PACRGL: variants seen among roughly 807,000 people sequenced by gnomAD.
The protein encoded by PACRGL is parkin coregulated like, also known as PACRG-like protein.
Under a neutral mutation model 34.5 loss-of-function variants are expected in PACRGL, and 38 were observed. The observed-to-expected ratio is 1.10, with a 90% CI of 0.85 to 1.44. The LOEUF (loss-of-function observed/expected upper bound fraction) is 1.44. Among genes scored for constraint, PACRGL ranks in the 40% most tolerant of loss-of-function variants. PACRGL has a pLI of 0.00. For synonymous variants in PACRGL, 128 were observed against 100.1 expected, an observed-to-expected ratio of 1.28 and a Z score of -1.66; for missense variants, 305 against 281.4, an observed-to-expected ratio of 1.08 and a Z score of -0.60.
At chr4:20,722,094 G>A (rs535475171) in intron 7 of PACRGL, among the ~76,000 whole-genome samples, 3 of 152,352 alleles carry the variant, frequency 2.0e-5, no homozygotes, top group Non-Finnish European at 2.9e-5. Flanking sequence ...AGCAATGAGC[G>A]AGGCTCCATG....
At chr4:20,735,173 T>C (rs971890470), downstream of PACRGL, among the ~76,000 whole-genome samples, 4 of 152,230 alleles carry the variant, frequency 2.6e-5, no homozygotes, top group Non-Finnish European at 5.9e-5. Context: ...TTGTGGTCTT[T>C]AATTAGAAAT....
the PACRGL span, among the ~76,000 whole-genome samples, chr4:20,762,822 G>T: frequency 6.6e-6 from 1 of 152,240 alleles, no homozygotes; most frequent in East Asian, 1.9e-4. Context: ...ATAAAGAACT[G>T]CCCAAGTCTG....
chr4:20,742,508 T>A (rs1327302440), intron 8 of PACRGL, among the ~76,000 whole-genome samples: 1 of 152,048 alleles, frequency 6.6e-6, no homozygotes, highest in Non-Finnish European at 1.5e-5. Context: ...CCTTTGACAA[T>A]ATTCAGCAGC....
At chr4:20,741,373 C>G (rs1156465248) in intron 8 of PACRGL, among the ~76,000 whole-genome samples, 2 of 152,224 alleles carry the variant, frequency 1.3e-5, no homozygotes, top group African/African-American at 4.8e-5. Flanking sequence ...CAAACTGTCT[C>G]TCAGACTACA....
At chr4:20,705,724 A>G (rs1222018878) in intron 3 of PACRGL, among the ~76,000 whole-genome samples, 1 of 151,810 alleles carries the variant, frequency 6.6e-6, no homozygotes, top group Admixed American at 6.6e-5. Flanking sequence ...ATATTTAGTG[A>G]CCTTAGTCCT....
rs1475076685 is a variant in PACRGL at position 20,700,686 on chromosome 4, T to C, written c.-118T>C. Reference sequence around the variant, plus strand: ...CTGTTGCTAGGGCCGCTGGACCCCGTTGCTAAGGACCCTTGAGATCGTGAG... The same window carrying C: ...CTGTTGCTAGGGCCGCTGGACCCCGCTGCTAAGGACCCTTGAGATCGTGAG... On this transcript the variant is annotated 5_prime_UTR_variant, in exon 1 of 9. Coordinates refer to ENST00000503585, the MANE Select transcript of PACRGL (RefSeq NM_001258345.3). 6.6e-6 allele frequency: 1 copy of C among 152,180 alleles called. No individual in the cohort carries two copies. Among genetic ancestry groups the C allele is most frequent in the Non-Finnish European group, 1.5e-5 (1 of 68,080 alleles). 9.4% of individuals were successfully genotyped at this position (152,180 alleles called of 1,614,324 possible).
the PACRGL span, among the ~76,000 whole-genome samples, chr4:20,757,982 AT>A: frequency 6.6e-6 from 1 of 152,300 alleles, no homozygotes; most frequent in South Asian, 2.1e-4. Flanking sequence ...AATCACAGTT[AT>A]ACTTGAGTTT....
chr4:20,749,175 C>T (rs182190571), intron 8 of PACRGL, among the ~76,000 whole-genome samples: 1 of 134,614 alleles, frequency 7.4e-6, no homozygotes, highest in South Asian at 2.3e-4. Context: ...AAAAAAAATA[C>T]GTTCTCTACA....
At chr4:20,713,362 C>T in intron 6 of PACRGL, 70 bp from the exon 7 acceptor site, 1 of 1,205,034 alleles carries the variant, frequency 8.3e-7, no homozygotes, top group Non-Finnish European at 1.2e-6. Context: ...TTTTTTCTAA[C>T]CTATCTTTTC....
downstream of PACRGL, among the ~76,000 whole-genome samples, chr4:20,733,726 C>A (rs1362916933): frequency 2.6e-5 from 4 of 152,122 alleles, no homozygotes; most frequent in Non-Finnish European, 5.9e-5. Context: ...ACAAGAAGCA[C>A]TATTTAGGAT....
At chr4:20,754,492 A>T (rs559497954), downstream of PACRGL, among the ~76,000 whole-genome samples, 10 of 152,322 alleles carry the variant, frequency 6.6e-5, no homozygotes, top group South Asian at 2.1e-3. Flanking sequence ...ATCAGAGATC[A>T]CATTCTTCCT....
At chr4:20,704,608 G>A in intron 2 of PACRGL, 52 bp from the exon 3 acceptor site, 1 of 1,613,282 alleles carries the variant, frequency 6.2e-7, no homozygotes, top group Non-Finnish European at 8.5e-7. Flanking sequence ...TGGATGCAGG[G>A]TGAACTTTAT....
chr4:20,765,888 G>A, the PACRGL span, among the ~76,000 whole-genome samples: 9 of 152,204 alleles, frequency 5.9e-5, no homozygotes, highest in African/African-American at 2.2e-4. Flanking sequence ...CTCAGGCCAT[G>A]TGGGGACACA....
intron 7 of PACRGL, among the ~76,000 whole-genome samples, chr4:20,719,202 C>G (rs962817128): frequency 2.6e-5 from 4 of 152,044 alleles, no homozygotes; most frequent in African/African-American, 9.7e-5. Context: ...TTTATTGCGT[C>G]TATTTGATTC....
chr4:20,716,231 A>G, intron 7 of PACRGL: 3 of 848,310 alleles, frequency 3.5e-6, no homozygotes, highest in Non-Finnish European at 5.7e-6. Context: ...CAAAAAATAA[A>G]GATTAAAATC....
intron 8 of PACRGL, among the ~76,000 whole-genome samples, chr4:20,738,689 G>A (rs1299431832): frequency 1.3e-5 from 2 of 152,186 alleles, no homozygotes; most frequent in Non-Finnish European, 2.9e-5. Flanking sequence ...GCAGAAGATG[G>A]GTGATTTCTG....
chr4:20,703,635 G>A (rs1486512758), intron 1 of PACRGL, among the ~76,000 whole-genome samples: 1 of 152,046 alleles, frequency 6.6e-6, no homozygotes, highest in Non-Finnish European at 1.5e-5. Context: ...AGGGAAAAGT[G>A]AACCAGTATT....
intron 7 of PACRGL, among the ~76,000 whole-genome samples, chr4:20,720,887 G>A (rs538984644): frequency 6.6e-6 from 1 of 152,094 alleles, no homozygotes; most frequent in Non-Finnish European, 1.5e-5. Context: ...GCTAAGTTGG[G>A]AAAGTTCTCC....
chr4:20,709,699 G>C lies in PACRGL; in HGVS notation c.292G>C (p.Val98Leu). 6.2e-7 allele frequency: 1 copy of C among 1,605,842 alleles called. No individual in the cohort carries two copies. Among genetic ancestry groups the C allele is most frequent in the Non-Finnish European group, 8.5e-7 (1 of 1,174,020 alleles). ...ATATTTTAGATTGGTACATGGTTCA[G>C]TAAAACACAGATTACAGTGGGAATG... ...GIPCRLVHGS[V>L]KHRLQWECPP... is the part of the protein sequence containing the mutation. Residue 98 changes from valine (V) to leucine (L), a missense_variant, in exon 5 of 9, where the codon GTA becomes CTA. Transcript: ENST00000503585.
Sources: allele counts gnomAD v4.1 joint callset (sites outside exome capture counted in the v4.1 genomes callset), GRCh38; gene constraint gnomAD v4.1.1; transcripts MANE v1.5; gene names NCBI Gene and HGNC (gene_info 2026-07-23, HGNC 2026-07-21).